ZNF407: variants seen among roughly 807,000 people sequenced by gnomAD.
The protein encoded by ZNF407 is zinc finger protein 407.
Under a neutral mutation model 131.2 loss-of-function variants are expected in ZNF407, and 17 were observed. The ratio of observed to expected loss-of-function variants is 0.13; its 90% CI spans 0.09 to 0.19. The LOEUF (loss-of-function observed/expected upper bound fraction) is 0.19, where lower values mean the gene tolerates loss of function less well. Among genes scored for constraint, ZNF407 ranks in the 10% least tolerant of loss-of-function variants. The probability of loss-of-function intolerance (pLI) is 1.00; values close to 1 mark genes in which losing one functional copy is unlikely to be tolerated. For synonymous variants in ZNF407, 1,156 were observed against 1,062.0 expected (o/e 1.09, Z -1.72); for missense variants, 2,681 against 2,830.6 (o/e 0.95, Z 1.20).
intron 6 of ZNF407, among the ~76,000 whole-genome samples, chr18:74,885,381 T>C (rs984631898): frequency 1.3e-5 from 2 of 152,212 alleles, no homozygotes; most frequent in African/African-American, 4.8e-5. Context: ...TGTTGTACCA[T>C]GTTTATAGAT....
chr18:74,749,897 A>G (rs1968758571), intron 3 of ZNF407, among the ~76,000 whole-genome samples: 1 of 152,170 alleles, frequency 6.6e-6, no homozygotes, highest in Non-Finnish European at 1.5e-5. Context: ...CTTATTGGAA[A>G]CTATAAAAAT....
At chr18:75,059,697 G>A (rs1487142854) in intron 8 of ZNF407, among the ~76,000 whole-genome samples, 1 of 152,138 alleles carries the variant, frequency 6.6e-6, no homozygotes, top group African/African-American at 2.4e-5. Flanking sequence ...ACACGGGCCC[G>A]GCTTATGCTC....
intron 7 of ZNF407, among the ~76,000 whole-genome samples, chr18:74,908,109 T>C (rs1207071640): frequency 6.6e-6 from 1 of 152,210 alleles, no homozygotes; most frequent in Non-Finnish European, 1.5e-5. Flanking sequence ...TCCGTATTAA[T>C]CACCAGTTTT....
At chr18:74,967,507 T>C (rs1972422876) in intron 8 of ZNF407, among the ~76,000 whole-genome samples, 1 of 152,234 alleles carries the variant, frequency 6.6e-6, no homozygotes, top group Non-Finnish European at 1.5e-5. Context: ...GGGTCTTTTT[T>C]CTTTCTGTCT....
chr18:74,629,868 A>G (rs373427015), intron 1 of ZNF407, among the ~76,000 whole-genome samples: 13 of 152,176 alleles, frequency 8.5e-5, no homozygotes, highest in Admixed American at 8.5e-4. Flanking sequence ...TAAAATCAAT[A>G]TTATTGATTT....
chr18:74,857,488 CTG>C (rs1970875390), intron 4 of ZNF407, among the ~76,000 whole-genome samples: 1 of 151,990 alleles, frequency 6.6e-6, no homozygotes, highest in Non-Finnish European at 1.5e-5. Context: ...AGGCTAGGCT[CTG>C]GGGAAATCTG....
intron 7 of ZNF407, among the ~76,000 whole-genome samples, chr18:74,913,974 G>A (rs1265344570): frequency 6.6e-6 from 1 of 152,102 alleles, no homozygotes; most frequent in African/African-American, 2.4e-5. Context: ...CCCATCTTGG[G>A]CCCTTTTGCT....
chr18:74,736,067 T>C (rs916967216), intron 3 of ZNF407, among the ~76,000 whole-genome samples: 3 of 152,246 alleles, frequency 2.0e-5, no homozygotes, highest in Non-Finnish European at 4.4e-5. Flanking sequence ...CATTAGAATA[T>C]GCTAAGGACG....
intron 3 of ZNF407, among the ~76,000 whole-genome samples, chr18:74,642,026 T>TA (rs1984745740): frequency 6.6e-6 from 1 of 151,758 alleles, no homozygotes; most frequent in African/African-American, 2.4e-5. Context: ...TATTAGGTTT[T>TA]TTTTTTAGTA....
At chr18:74,925,543 G>A (rs2145248492) in intron 8 of ZNF407, among the ~76,000 whole-genome samples, 1 of 152,132 alleles carries the variant, frequency 6.6e-6, no homozygotes, top group South Asian at 2.1e-4. Context: ...AGAACCATTA[G>A]TGTTCAATAC....
At chr18:74,637,943 G>C (rs1446382118) in intron 2 of ZNF407, among the ~76,000 whole-genome samples, 2 of 152,196 alleles carry the variant, frequency 1.3e-5, no homozygotes, top group African/African-American at 4.8e-5. Flanking sequence ...CTACTACGAA[G>C]TAATCAACAT....
intron 8 of ZNF407, among the ~76,000 whole-genome samples, chr18:75,017,193 A>G (rs988459188): frequency 6.6e-6 from 1 of 152,184 alleles, no homozygotes; most frequent in Non-Finnish European, 1.5e-5. Context: ...ATTAAAACAA[A>G]TAATAACAAG....
chr18:74,878,169 T>C (rs960885019), intron 5 of ZNF407, among the ~76,000 whole-genome samples: 6 of 152,110 alleles, frequency 3.9e-5, no homozygotes, highest in African/African-American at 1.2e-4. Context: ...GCCCAAAACT[T>C]CCTTACAAGC....
intron 2 of ZNF407, among the ~76,000 whole-genome samples, chr18:74,636,936 T>A (rs1238917254): frequency 6.6e-6 from 1 of 152,230 alleles, no homozygotes; most frequent in Non-Finnish European, 1.5e-5. Context: ...CTTGTTCACA[T>A]GCGCAGAAAA....
chr18:74,763,705 A>ATTTTTTT (rs11340257), intron 3 of ZNF407, among the ~76,000 whole-genome samples: 1 of 70,228 alleles, frequency 1.4e-5, no homozygotes, highest in Non-Finnish European at 2.7e-5. Context: ...CTTATCTTTG[A>ATTTTTTT]TTTTTTTTTT....
intron 3 of ZNF407, among the ~76,000 whole-genome samples, chr18:74,747,232 A>C (rs913880823): frequency 6.6e-6 from 1 of 152,160 alleles, no homozygotes; most frequent in African/African-American, 2.4e-5. Flanking sequence ...ATCATTAACA[A>C]TTAAGTATTT....
At chr18:74,946,663 C>G (rs1972157110) in intron 8 of ZNF407, among the ~76,000 whole-genome samples, 1 of 151,918 alleles carries the variant, frequency 6.6e-6, no homozygotes, top group Non-Finnish European at 1.5e-5. Flanking sequence ...TAGATTGAAA[C>G]TGAAAACTGA....
intron 3 of ZNF407, among the ~76,000 whole-genome samples, chr18:74,769,594 T>C (rs1320955027): frequency 6.6e-6 from 1 of 152,232 alleles, no homozygotes; most frequent in Admixed American, 6.5e-5. Flanking sequence ...GTTTACAAAA[T>C]TCATTGTATT....
chr18:74,780,769 G>T (rs980545650), intron 3 of ZNF407, among the ~76,000 whole-genome samples: 2 of 152,076 alleles, frequency 1.3e-5, no homozygotes, highest in Non-Finnish European at 2.9e-5. Flanking sequence ...GGGTAGAATG[G>T]CATTCATGTA....
Sources: gnomAD v4.1 joint callset for allele counts (sites outside exome capture counted in the v4.1 genomes callset) on GRCh38, gnomAD v4.1.1 for gene constraint, MANE v1.5 for transcripts, NCBI Gene and HGNC (gene_info 2026-07-23, HGNC 2026-07-21) for gene names.